The following PARP15 variants were observed in gnomAD, a reference collection of about 807,000 sequenced individuals.
PARP15 encodes the protein protein mono-ADP-ribosyltransferase PARP15.
A neutral mutation model predicts 62.1 loss-of-function variants in PARP15; 50 were observed. The observed-to-expected ratio is 0.81, with a 90% confidence interval of 0.64 to 1.02. The LOEUF is 1.02. PARP15 is among the 50% of genes least tolerant of loss of function. The pLI is 0.00. For missense variants in PARP15, 820 were observed against 826.5 expected (o/e 0.99, Z 0.10); for synonymous variants, 309 against 293.1 (o/e 1.05, Z -0.55).
Position 122,626,194 on chromosome 3 carries a change from C to CT in PARP15, c.1232-632dup, listed in dbSNP as rs1431179194. 5.6e-4 allele frequency among the ~76,000 whole-genome samples: 73 copies of CT among 130,484 alleles called. 1 individual carries two copies. In the South Asian group the frequency reaches 0.016, roughly 29 times the overall value. The allele number at this position is 130,484 out of a possible 152,430, so 85.6% of individuals were successfully genotyped here. Reference sequence around the variant, plus strand: ...ATGATTGGTAATGCAGCAGCTGTCACTCTTTTTTTTTTTTTTTTTTTTGAG... The same window carrying CT: ...ATGATTGGTAATGCAGCAGCTGTCACTTCTTTTTTTTTTTTTTTTTTTTGAG... On this transcript the variant is annotated intron_variant, in intron 8 of 11. Transcript: ENST00000464300.
chr3:122,602,780 G>A (rs930924467), intron 1 of PARP15, among the ~76,000 whole-genome samples: 1 of 152,202 alleles, frequency 6.6e-6, no homozygotes, highest in Non-Finnish European at 1.5e-5. Flanking sequence ...ACGAATGTCA[G>A]TGGGAAAATC....
At chr3:122,627,070 T>A in intron 9 of PARP15, 37 bp downstream of exon 9, 1 of 1,502,832 alleles carries the variant, frequency 6.7e-7, no homozygotes. Flanking sequence ...CCCTGCTGGC[T>A]CTGATAATCA....
chr3:122,602,155 G>A (rs76459334), intron 1 of PARP15, among the ~76,000 whole-genome samples: 2,407 of 152,062 alleles, frequency 0.016, 65 homozygotes, highest in African/African-American at 0.053. Context: ...TTACTTATCA[G>A]GTGCATTCAT....
intron 3 of PARP15, among the ~76,000 whole-genome samples, chr3:122,611,106 A>G (rs1032006480): frequency 1.3e-5 from 2 of 152,150 alleles, no homozygotes; most frequent in African/African-American, 4.8e-5. Context: ...CTAAGTTGTA[A>G]TGTAATAATC....
intron 1 of PARP15, among the ~76,000 whole-genome samples, chr3:122,599,176 G>A (rs13089701): frequency 0.084 from 12,788 of 152,162 alleles, 530 homozygotes; most frequent in Non-Finnish European, 0.1. Flanking sequence ...GATTACAGGC[G>A]TGAGCCACCA....
intron 1 of PARP15, among the ~76,000 whole-genome samples, chr3:122,597,122 T>C (rs1251500552): frequency 6.6e-6 from 1 of 152,204 alleles, no homozygotes; most frequent in Non-Finnish European, 1.5e-5. Context: ...TGAGGGCTTA[T>C]TTTCTCTTCC....
chr3:122,615,766 T>C lies in PARP15; in HGVS notation c.772-13T>C. 6.2e-7 allele frequency: 1 copy of C among 1,610,488 alleles called. No individual in the cohort carries two copies. Among genetic ancestry groups the C allele is most frequent in the Non-Finnish European group, 8.5e-7 (1 of 1,176,722 alleles). On this transcript the variant is annotated splice_polypyrimidine_tract_variant and intron_variant, in intron 4 of 11. Coordinates refer to ENST00000464300, the MANE Select transcript of PARP15 (RefSeq NM_001113523.3). ...ACAATATTGTTGTAGTCAGTAACTG[T>C]TTCTATTTCCAGGCATTTTTAGATG...
intron 9 of PARP15, among the ~76,000 whole-genome samples, chr3:122,631,270 G>C (rs1454513839): frequency 6.6e-6 from 1 of 152,232 alleles, no homozygotes; most frequent in Non-Finnish European, 1.5e-5. Context: ...TTTGAAAAGA[G>C]CTTACTGATT....
intron 1 of PARP15, among the ~76,000 whole-genome samples, chr3:122,583,554 A>G (rs1157592817): frequency 1.3e-5 from 2 of 152,112 alleles, no homozygotes; most frequent in Non-Finnish European, 2.9e-5. Flanking sequence ...CACCTTGTTG[A>G]GTCCTGAATA....
intron 1 of PARP15, among the ~76,000 whole-genome samples, chr3:122,602,391 C>A (rs142727610): frequency 0.01 from 1,581 of 152,260 alleles, 30 homozygotes; most frequent in African/African-American, 0.036. Context: ...AAGTTATACA[C>A]TCTAGAGCTC....
chr3:122,615,059 A>G, intron 4 of PARP15: 1 of 975,300 alleles, frequency 1.0e-6, no homozygotes, highest in African/African-American at 1.8e-5. Flanking sequence ...AAAGAAAAGA[A>G]AAGAAAGAAA....
intron 1 of PARP15, among the ~76,000 whole-genome samples, chr3:122,595,562 G>C (rs1340351265): frequency 6.6e-6 from 1 of 152,134 alleles, no homozygotes; most frequent in Non-Finnish European, 1.5e-5. Flanking sequence ...TTGTTGGTTT[G>C]TTTTGAGACT....
At chr3:122,631,745 G>A (rs543899211) in intron 9 of PARP15, among the ~76,000 whole-genome samples, 1 of 152,280 alleles carries the variant, frequency 6.6e-6, no homozygotes, top group Non-Finnish European at 1.5e-5. Flanking sequence ...AAAAGCAAAA[G>A]CATCTATAAA....
intron 8 of PARP15, among the ~76,000 whole-genome samples, chr3:122,624,152 G>GAA (rs149635499): frequency 4.9e-5 from 7 of 142,704 alleles, no homozygotes; most frequent in Admixed American, 1.4e-4. Flanking sequence ...CTCTATCTCG[G>GAA]AAAAAAAAAA....
chr3:122,606,362 C>A (rs1490094970), intron 2 of PARP15, among the ~76,000 whole-genome samples: 1 of 152,160 alleles, frequency 6.6e-6, no homozygotes, highest in African/African-American at 2.4e-5. Context: ...TTTTTCTCTC[C>A]TGCACCAGTC....
At chr3:122,614,872 T>C (rs889706352) in intron 4 of PARP15, among the ~76,000 whole-genome samples, 2 of 151,124 alleles carry the variant, frequency 1.3e-5, no homozygotes, top group Non-Finnish European at 2.9e-5. Flanking sequence ...CTACAAAAAA[T>C]ACAAAAAATT....
chr3:122,581,729 G>T (rs1456947140), intron 1 of PARP15, among the ~76,000 whole-genome samples: 1 of 151,992 alleles, frequency 6.6e-6, no homozygotes, highest in Admixed American at 6.6e-5. Context: ...TTTGCTATGC[G>T]GTTTTTTGCT....
chr3:122,632,302 T>TC lies in PARP15; in HGVS notation c.1572+85dup, dbSNP rs796769685. On this transcript the variant is annotated intron_variant, in intron 10 of 11. Coordinates refer to ENST00000464300, the MANE Select transcript of PARP15 (RefSeq NM_001113523.3). ...TCTCTTTTTAAATAACACCCTTCCTTCCTTTGTACCTTACTATGTTTATTT... is the reference window on the plus strand; with the variant it reads ...TCTCTTTTTAAATAACACCCTTCCTTCCCTTTGTACCTTACTATGTTTATTT... 59 of 1,290,660 alleles carry TC rather than the reference T, an allele frequency of 4.6e-5. No individual in the cohort carries two copies. The African/African-American group carries it at 7.8e-4, about 17-fold the overall frequency. 80.0% of individuals were successfully genotyped at this position (1,290,660 alleles called of 1,614,324 possible). A position where few individuals can be genotyped will look rare whatever the true frequency, so the allele number is the denominator to read the frequency against.
chr3:122,599,846 A>G (rs1317358466), intron 1 of PARP15, among the ~76,000 whole-genome samples: 2 of 152,220 alleles, frequency 1.3e-5, no homozygotes, highest in African/African-American at 4.8e-5. Flanking sequence ...AAGTACTGGG[A>G]TTACAGACAT....
Sources: gnomAD v4.1 joint callset for allele counts (sites outside exome capture counted in the v4.1 genomes callset) on GRCh38, gnomAD v4.1.1 for gene constraint, MANE v1.5 for transcripts, NCBI Gene and HGNC (gene_info 2026-07-23, HGNC 2026-07-21) for gene names.